EPHA6: variants seen among roughly 807,000 people sequenced by gnomAD.
EPHA6 encodes the protein EPH receptor A6, also known as ephrin type-A receptor 6.
In EPHA6, 50 loss-of-function variants were observed where a neutral mutation model predicts 112.0. The ratio of observed to expected loss-of-function variants is 0.45; its 90% CI spans 0.36 to 0.56. The LOEUF (loss-of-function observed/expected upper bound fraction) is 0.56. Among genes scored for constraint, EPHA6 ranks in the 20% least tolerant of loss-of-function variants. The pLI, the probability that EPHA6 is intolerant of heterozygous loss-of-function variation, is 0.00. For synonymous variants in EPHA6, 529 were observed against 490.7 expected, an observed-to-expected ratio of 1.08 and a Z score of -1.03; for missense variants, 1,280 against 1,417.4, an observed-to-expected ratio of 0.90 and a Z score of 1.56.
At chr3:96,992,307 C>T (rs1011216499) in intron 3 of EPHA6, among the ~76,000 whole-genome samples, 1 of 152,182 alleles carries the variant, frequency 6.6e-6, no homozygotes, top group African/African-American at 2.4e-5. Context: ...TCTTCAGCTT[C>T]TACCATCTGT....
chr3:97,729,039 G>A (rs1369579737), intron 15 of EPHA6, among the ~76,000 whole-genome samples: 2 of 152,004 alleles, frequency 1.3e-5, no homozygotes, highest in Non-Finnish European at 2.9e-5. Context: ...ATTGTCTTAG[G>A]TGTAGGATTT....
intron 2 of EPHA6, among the ~76,000 whole-genome samples, chr3:96,930,516 C>G (rs2040258072): frequency 6.6e-6 from 1 of 152,170 alleles, no homozygotes; most frequent in South Asian, 2.1e-4. Context: ...TTTTCCAGTA[C>G]CTGCAGGTAT....
At chr3:97,407,291 A>C (rs574232145) in intron 6 of EPHA6, among the ~76,000 whole-genome samples, 1 of 151,880 alleles carries the variant, frequency 6.6e-6, no homozygotes, top group South Asian at 2.1e-4. Context: ...AAATTATCTT[A>C]ATGTTATCCT....
At chr3:97,200,038 A>G (rs2077540947) in intron 3 of EPHA6, among the ~76,000 whole-genome samples, 1 of 152,106 alleles carries the variant, frequency 6.6e-6, no homozygotes, top group African/African-American at 2.4e-5. Flanking sequence ...GCATTTGCAA[A>G]GGCTCTGGAG....
At chr3:96,961,761 C>T (rs774041941) in intron 2 of EPHA6, among the ~76,000 whole-genome samples, 1 of 152,118 alleles carries the variant, frequency 6.6e-6, no homozygotes, top group Non-Finnish European at 1.5e-5. Flanking sequence ...TATCATTTGG[C>T]CAGTGAGTAA....
At chr3:96,973,310 TTGGCAATTTTAATCC>T (rs780298823) in intron 2 of EPHA6, among the ~76,000 whole-genome samples, 16 of 152,294 alleles carry the variant, frequency 1.1e-4, no homozygotes, top group Non-Finnish European at 1.6e-4. Context: ...GCACACACTA[TTGGCAATTTTAATCC>T]TGTACCATGT....
intron 1 of EPHA6, among the ~76,000 whole-genome samples, chr3:96,824,242 G>T (rs1277486456): frequency 2.0e-5 from 3 of 151,548 alleles, no homozygotes; most frequent in African/African-American, 4.8e-5. Context: ...TTATTTTAAG[G>T]TTAGTAATCT....
intron 7 of EPHA6, chr3:97,466,117 T>A (rs1374721932): frequency 2.1e-6 from 1 of 486,624 alleles, no homozygotes; most frequent in Non-Finnish European, 3.8e-6. Context: ...CTGGCACATG[T>A]GTTAGTCTTT....
chr3:97,208,818 A>G (rs1476273149), intron 3 of EPHA6, among the ~76,000 whole-genome samples: 1 of 152,172 alleles, frequency 6.6e-6, no homozygotes, highest in African/African-American at 2.4e-5. Flanking sequence ...TTTTCAACCA[A>G]TGGTTCAATG....
intron 3 of EPHA6, among the ~76,000 whole-genome samples, chr3:97,220,968 A>G (rs2078177399): frequency 6.6e-6 from 1 of 152,178 alleles, no homozygotes; most frequent in Admixed American, 6.5e-5. Context: ...AGATGTAGTG[A>G]TTTAAATAAT....
At chr3:97,547,348 T>G (rs1035303570) in intron 11 of EPHA6, among the ~76,000 whole-genome samples, 1 of 152,216 alleles carries the variant, frequency 6.6e-6, no homozygotes, top group Non-Finnish European at 1.5e-5. Flanking sequence ...CCTGTCTCCC[T>G]GGGTTTCAGC....
At chr3:97,042,964 G>T (rs2045369177) in intron 3 of EPHA6, among the ~76,000 whole-genome samples, 1 of 152,146 alleles carries the variant, frequency 6.6e-6, no homozygotes, top group African/African-American at 2.4e-5. Context: ...AGCAGACTAG[G>T]TAGCAGAAAG....
intron 14 of EPHA6, among the ~76,000 whole-genome samples, chr3:97,698,013 T>G (rs1168174157): frequency 6.6e-6 from 1 of 152,200 alleles, no homozygotes; most frequent in East Asian, 1.9e-4. Flanking sequence ...TTTGTTTGTT[T>G]GTTTTTGAGA....
chr3:97,612,823 C>T (rs1413794200), intron 13 of EPHA6, among the ~76,000 whole-genome samples: 1 of 151,964 alleles, frequency 6.6e-6, no homozygotes, highest in African/African-American at 2.4e-5. Flanking sequence ...TACTCATCCA[C>T]CTCATACAAT....
intron 3 of EPHA6, among the ~76,000 whole-genome samples, chr3:97,069,000 G>A (rs1224573105): frequency 2.6e-5 from 4 of 152,036 alleles, no homozygotes; most frequent in Admixed American, 6.6e-5. Flanking sequence ...GCGCACGTGC[G>A]TATACACACA....
intron 2 of EPHA6, among the ~76,000 whole-genome samples, chr3:96,932,632 T>C (rs1296680962): frequency 1.3e-5 from 2 of 152,156 alleles, no homozygotes; most frequent in African/African-American, 4.8e-5. Flanking sequence ...TCCCCACTGC[T>C]TGAAAGCCAG....
chr3:97,289,093 C>A (rs969947527), intron 5 of EPHA6, among the ~76,000 whole-genome samples: 20 of 152,014 alleles, frequency 1.3e-4, no homozygotes, highest in Admixed American at 3.9e-4. Flanking sequence ...TTAATCAGGT[C>A]ACAAGTCAAT....
chr3:96,846,606 G>C (rs1457037827), intron 1 of EPHA6, among the ~76,000 whole-genome samples: 1 of 152,016 alleles, frequency 6.6e-6, no homozygotes, highest in Non-Finnish European at 1.5e-5. Flanking sequence ...ATGTAGAATA[G>C]ATGCGCAATA....
chr3:97,252,058 A>G (rs1164902172), intron 5 of EPHA6, among the ~76,000 whole-genome samples: 1 of 152,188 alleles, frequency 6.6e-6, no homozygotes. Context: ...ATCAAAATAT[A>G]CAAGTCTTTT....
Sources: gnomAD v4.1 joint callset for allele counts (sites outside exome capture counted in the v4.1 genomes callset) on GRCh38, gnomAD v4.1.1 for gene constraint, MANE v1.5 for transcripts, NCBI Gene and HGNC (gene_info 2026-07-23, HGNC 2026-07-21) for gene names.